Variants in RAI2 observed in about 807,000 individuals in gnomAD.
RAI2 encodes retinoic acid induced 2.
In RAI2, 5 loss-of-function variants were observed where a neutral mutation model predicts 15.3. The observed-to-expected ratio is 0.33, with a 90% confidence interval of 0.17 to 0.69. RAI2 has a LOEUF of 0.69. Among genes scored for constraint, RAI2 ranks in the 30% least tolerant of loss-of-function variants. The pLI is 0.69. For missense variants in RAI2, 424 were observed against 424.7 expected (o/e 1.00, Z 0.01); for synonymous variants, 191 against 184.0 (o/e 1.04, Z -0.31).
Position 17,801,707 on chromosome X carries a change from G to C in RAI2, c.304C>G (p.Pro102Ala). The change falls in exon 2 of 2, where the codon CCA (proline) becomes GCA (alanine). Residue 102 changes from proline to alanine, a missense_variant. Coordinates refer to ENST00000451717, the MANE Select transcript of RAI2 (RefSeq NM_021785.6). The part of the protein sequence containing the change: ...IHMQVEGSSA[P>A]ELNPNGNATY... ...GCATTGCCATTCGGATTGAGCTCTG[G>C]TGCGGAGCTTCCCTCCACCTGCATG... 5.0e-6 allele frequency: 6 copies of C among 1,211,825 alleles called. No homozygotes were observed. Among genetic ancestry groups the C allele is most frequent in the African/African-American group, 1.7e-5 (1 of 57,750 alleles).
intron 1 of RAI2, among the ~76,000 whole-genome samples, chrX:17,808,661 G>A (rs1203510572): frequency 9.3e-6 from 1 of 107,172 alleles, no homozygotes; most frequent in Non-Finnish European, 1.9e-5. Flanking sequence ...GTCTCCCCAT[G>A]TGCCCTCACC....
Position 17,807,736 on chromosome X carries a change from G to A in RAI2, c.-24-5702C>T, listed in dbSNP as rs1040051229. On this transcript the variant is annotated intron_variant, in intron 1 of 1. Coordinates refer to ENST00000451717, the MANE Select transcript of RAI2 (RefSeq NM_021785.6). ...TCTGATGGGTCAGTGTTAGATGCCCGCAACCAACAAATAGGTGGATTTTAG... is the reference window on the plus strand; with the variant it reads ...TCTGATGGGTCAGTGTTAGATGCCCACAACCAACAAATAGGTGGATTTTAG... Among the ~76,000 whole-genome samples the A allele has an allele frequency of 8.0e-5, 9 of 111,853 alleles. No individual in the cohort carries two copies. The East Asian group carries it at 1.4e-3, about 17-fold the overall frequency.
At chrX:17,838,926 A>C (rs192029894) in intron 1 of RAI2, among the ~76,000 whole-genome samples, 77 of 112,219 alleles carry the variant, frequency 6.9e-4, no homozygotes, top group African/African-American at 2.4e-3. Flanking sequence ...AGGGATCATA[A>C]ACACACAGAG....
rs28589522 is a variant in RAI2 at position 17,833,328 on chromosome X, G to A, written c.-25+27770C>T. 7.7e-3 allele frequency among the ~76,000 whole-genome samples: 856 copies of A among 111,089 alleles called. 7 individuals carry two copies. Among genetic ancestry groups the A allele is most frequent in the African/African-American group, 0.026 (780 of 30,525 alleles). ...CTTGAGGCCAGGAGTTCGAGACCAG[G>A]CTGGCCAATGTGGTGAAACCCTGTC... On this transcript the variant is annotated intron_variant, in intron 1 of 1. Coordinates refer to ENST00000451717, the MANE Select transcript of RAI2 (RefSeq NM_021785.6).
chrX:17,816,096 C>T (rs1446126869), intron 1 of RAI2, among the ~76,000 whole-genome samples: 1 of 107,278 alleles, frequency 9.3e-6, no homozygotes, highest in Non-Finnish European at 1.9e-5. Context: ...CCCTCTCACA[C>T]GCACACTGAC....
intron 1 of RAI2, among the ~76,000 whole-genome samples, chrX:17,821,722 A>G (rs1162643843): frequency 9.0e-6 from 1 of 111,543 alleles, no homozygotes; most frequent in Admixed American, 9.5e-5. Flanking sequence ...CTCATTTTGT[A>G]GCTGGGGAAA....
chrX:17,826,671 C>T (rs2067230184), intron 1 of RAI2, among the ~76,000 whole-genome samples: 1 of 111,849 alleles, frequency 8.9e-6, no homozygotes, highest in Non-Finnish European at 1.9e-5. Context: ...ACCCAAATCT[C>T]ATTTAGAATT....
chrX:17,831,473 C>T (rs983801092), intron 1 of RAI2, among the ~76,000 whole-genome samples: 11 of 112,066 alleles, frequency 9.8e-5, no homozygotes, highest in Non-Finnish European at 2.1e-4. Context: ...TAAAACAACA[C>T]GCAGAAAATC....
chrX:17,802,182 T>C (rs1230001509), intron 1 of RAI2, 148 bp from the exon 2 acceptor site: 3 of 665,508 alleles, frequency 4.5e-6, no homozygotes, highest in Non-Finnish European at 4.2e-6. Context: ...AGGTTATAGA[T>C]ATCTCCTAAT....
chrX:17,800,297 T>A lies in RAI2; in HGVS notation c.*121A>T. 1 of 983,373 alleles carries A rather than the reference T, an allele frequency of 1.0e-6. No individual in the cohort carries two copies. The highest frequency in any genetic ancestry group is 3.1e-5 in the East Asian group (1 of 32,048). 81.0% of individuals were successfully genotyped at this position (983,373 alleles called of 1,213,427 possible). A position where few individuals can be genotyped will look rare whatever the true frequency, so the allele number is the denominator to read the frequency against. ...ACAGGGCCTCTAGAGCCAATTCACC[T>A]TTCCATTTCCCAACTACTCCCCAAA... On this transcript the variant is annotated 3_prime_UTR_variant, in exon 2 of 2. Transcript: ENST00000451717.
chrX:17,839,212 C>T (rs1300506834), intron 1 of RAI2, among the ~76,000 whole-genome samples: 1 of 112,389 alleles, frequency 8.9e-6, no homozygotes, highest in Non-Finnish European at 1.9e-5. Flanking sequence ...CAACCTTCAG[C>T]TCCAGCCCTG....
intron 1 of RAI2, among the ~76,000 whole-genome samples, chrX:17,813,127 C>T (rs1408632490): frequency 9.0e-6 from 1 of 111,642 alleles, no homozygotes; most frequent in East Asian, 2.8e-4. Context: ...TTGGGCAGAA[C>T]TTCTCCTATG....
chrX:17,837,245 T>A (rs767418008), intron 1 of RAI2, among the ~76,000 whole-genome samples: 6 of 111,349 alleles, frequency 5.4e-5, no homozygotes, highest in African/African-American at 2.0e-4. Flanking sequence ...AGATAATCAG[T>A]CGAAGAGCGA....
intron 1 of RAI2, among the ~76,000 whole-genome samples, chrX:17,857,631 T>C (rs1601942810): frequency 9.1e-6 from 1 of 110,407 alleles, no homozygotes; most frequent in African/African-American, 3.3e-5. Context: ...GGGCTAAAAC[T>C]GGAATATGAC....
Position 17,800,625 on chromosome X carries a change from G to A in RAI2, c.1386C>T (p.Ser462=), listed in dbSNP as rs772575988. 20 of 1,209,459 alleles carry A rather than the reference G, an allele frequency of 1.7e-5. No homozygotes were observed. The highest frequency in any genetic ancestry group is 2.1e-5 in the Non-Finnish European group (19 of 895,010). Residue 462 remains serine, a synonymous_variant, in exon 2 of 2, where the codon TCC becomes TCT. Coordinates refer to ENST00000451717, the MANE Select transcript of RAI2 (RefSeq NM_021785.6). Reference sequence around the variant, plus strand: ...CTCTTTTGAAGGAGAAGTTTTTGGTGGACACCCCTGAGAGGCCTTTGATCT... The same window carrying A: ...CTCTTTTGAAGGAGAAGTTTTTGGTAGACACCCCTGAGAGGCCTTTGATCT... The part of the protein sequence containing the change: ...CGKIKGLSGV[S]TKNFSFKRED...
intron 1 of RAI2, among the ~76,000 whole-genome samples, chrX:17,817,589 G>A (rs1469469254): frequency 8.9e-6 from 1 of 112,624 alleles, no homozygotes; most frequent in Non-Finnish European, 1.9e-5. Context: ...ACTCCCTGGA[G>A]CCCCACAGCT....
intron 1 of RAI2, among the ~76,000 whole-genome samples, chrX:17,818,996 CAG>C (rs992501630): frequency 1.8e-5 from 2 of 112,032 alleles, no homozygotes; most frequent in Non-Finnish European, 3.8e-5. Context: ...CAGTGTGATT[CAG>C]AGTGTTCCCT....
rs185813851 is a variant in RAI2 at position 17,844,500 on chromosome X, T to G, written c.-25+16598A>C. On this transcript the variant is annotated intron_variant, in intron 1 of 1. Transcript: ENST00000451717. The stretch of plus-strand genomic sequence containing the variant: ...TTACTGGCTTGCAGCCTGGGCATTG[T>G]CTTGGGCAGAAGAGACCAGCCTGCC... Among the ~76,000 whole-genome samples, 46 of 112,851 alleles carry G rather than the reference T, an allele frequency of 4.1e-4. 1 individual carries two copies. The East Asian group carries it at 0.012, about 28-fold the overall frequency.
At chrX:17,830,800 A>G (rs1464750748) in intron 1 of RAI2, among the ~76,000 whole-genome samples, 1 of 111,695 alleles carries the variant, frequency 9.0e-6, no homozygotes, top group Non-Finnish European at 1.9e-5. Flanking sequence ...GCTGCATAAT[A>G]GTTGGGAACC....
Sources: allele counts gnomAD v4.1 joint callset (sites outside exome capture counted in the v4.1 genomes callset), GRCh38; gene constraint gnomAD v4.1.1; transcripts MANE v1.5; gene names NCBI Gene and HGNC (gene_info 2026-07-23, HGNC 2026-07-21).